Variants in MARK4 observed in about 807,000 individuals in gnomAD.
MARK4 encodes the protein microtubule affinity regulating kinase 4.
A neutral mutation model predicts 81.5 loss-of-function variants in MARK4; 19 were observed. That is an observed-to-expected ratio of 0.23 (90% confidence interval 0.16 to 0.34). The LOEUF (loss-of-function observed/expected upper bound fraction) is 0.34. Ranked by LOEUF, MARK4 falls within the 10% of genes least tolerant of loss-of-function variation. MARK4 has a pLI of 1.00. For missense variants in MARK4, 772 were observed against 1,058.8 expected (o/e 0.73, Z 3.76); for synonymous variants, 436 against 439.0 (o/e 0.99, Z 0.08).
chr19:45,278,512 G>A lies in MARK4; in HGVS notation c.907-4G>A, dbSNP rs750835335. On this transcript the variant is annotated splice_polypyrimidine_tract_variant and splice_region_variant and intron_variant, in intron 9 of 16. Transcript: ENST00000262891. ...TCCCCCTTCCCTGCTCCTGATGCCT[G>A]CAGCAAATCATGAAAGACAAATGGA... The A allele has an allele frequency of 3.7e-6, 6 of 1,613,552 alleles. No individual in the cohort carries two copies. Among genetic ancestry groups the A allele is most frequent in the Non-Finnish European group, 5.1e-6 (6 of 1,179,536 alleles).
intron 1 of MARK4, among the ~76,000 whole-genome samples, chr19:45,255,585 A>ACTGG (rs1339509339): frequency 4.8e-5 from 7 of 146,976 alleles, no homozygotes; most frequent in Admixed American, 1.4e-4. Flanking sequence ...AAAAAAAAAT[A>ACTGG]CTGGTGGAAA....
In MARK4 at chr19:45,282,577, C is replaced by A. The variant is rs113715705; in HGVS notation, c.1276+1843C>A. ...GCACAGCGGCTCACGCCTGTAATCCCAGCACTTTAGGAAGCCGAGGTGGGA... is the reference window on the plus strand; with the variant it reads ...GCACAGCGGCTCACGCCTGTAATCCAAGCACTTTAGGAAGCCGAGGTGGGA... On this transcript the variant is annotated intron_variant, in intron 12 of 16. Transcript: ENST00000262891. Among the ~76,000 whole-genome samples, 288 of 152,192 alleles carry A rather than the reference C, an allele frequency of 1.9e-3. 1 individual carries two copies. Among genetic ancestry groups the A allele is most frequent in the African/African-American group, 6.8e-3 (282 of 41,520 alleles).
chr19:45,282,068 A>T (rs1186208053), intron 12 of MARK4, among the ~76,000 whole-genome samples: 1 of 151,886 alleles, frequency 6.6e-6, no homozygotes, highest in African/African-American at 2.4e-5. Flanking sequence ...TACTAAAAAC[A>T]CAAAATTAGC....
At chr19:45,297,643 C>T (rs1391037493) in intron 14 of MARK4, 33 bp from the exon 15 acceptor site, 1 of 1,443,614 alleles carries the variant, frequency 6.9e-7, no homozygotes, top group East Asian at 2.3e-5. Flanking sequence ...CTGCCTCAGT[C>T]CCCCACCCTG....
chr19:45,292,988 C>T (rs1345640531), intron 13 of MARK4, among the ~76,000 whole-genome samples: 2 of 152,116 alleles, frequency 1.3e-5, no homozygotes, highest in Non-Finnish European at 1.5e-5. Context: ...TAAAATCAGT[C>T]TGGGCGTGGT....
intron 10 of MARK4, among the ~76,000 whole-genome samples, chr19:45,279,089 G>A (rs918623557): frequency 6.6e-6 from 1 of 152,026 alleles, no homozygotes; most frequent in Admixed American, 6.6e-5. Flanking sequence ...GCCAGTTGTG[G>A]TTGTGTGCAC....
intron 2 of MARK4, among the ~76,000 whole-genome samples, chr19:45,260,635 C>T (rs1371605193): frequency 4.0e-5 from 6 of 151,830 alleles, no homozygotes; most frequent in Non-Finnish European, 7.4e-5. Context: ...AGGCGAAGGC[C>T]GCAGTGAGCC....
chr19:45,267,556 T>A (rs1418480886), intron 7 of MARK4, among the ~76,000 whole-genome samples: 2 of 152,208 alleles, frequency 1.3e-5, no homozygotes, highest in African/African-American at 4.8e-5. Context: ...GACCGTTTGG[T>A]TGGCTCAAAT....
intron 12 of MARK4, among the ~76,000 whole-genome samples, chr19:45,284,551 T>C (rs906702340): frequency 6.6e-6 from 1 of 152,102 alleles, no homozygotes; most frequent in African/African-American, 2.4e-5. Flanking sequence ...CTTGATCGCC[T>C]GACCTCATGA....
At chr19:45,275,724 A>G (rs2123061712) in intron 8 of MARK4, among the ~76,000 whole-genome samples, 1 of 152,346 alleles carries the variant, frequency 6.6e-6, no homozygotes, top group East Asian at 1.9e-4. Context: ...CAAGTGACCA[A>G]ACCCCTCCAG....
In MARK4 at chr19:45,253,190, C is replaced by G. The variant is rs563297914; in HGVS notation, c.51+1551C>G. The stretch of plus-strand genomic sequence containing the variant: ...TTCCCTCACCTCCGACAGACCCCCC[C>G]ACACACACACACCATCAGAGAGATT... On this transcript the variant is annotated intron_variant, in intron 1 of 16. Coordinates refer to ENST00000262891, the MANE Select transcript of MARK4 (RefSeq NM_001199867.2). 1.2e-4 allele frequency among the ~76,000 whole-genome samples: 16 copies of G among 138,552 alleles called. No homozygotes were observed. In the South Asian group the frequency reaches 3.3e-3, roughly 28 times the overall value. 90.9% of individuals were successfully genotyped at this position (138,552 alleles called of 152,430 possible).
chr19:45,280,338 G>A, intron 10 of MARK4, 36 bp from the exon 11 acceptor site: 1 of 1,564,502 alleles, frequency 6.4e-7, no homozygotes, highest in African/African-American at 1.4e-5. Flanking sequence ...TAAAGTTTCT[G>A]GGAGTCTGAA....
chr19:45,280,283 CAG>C, intron 10 of MARK4, 89 bp from the exon 11 acceptor site: 2 of 1,166,490 alleles, frequency 1.7e-6, no homozygotes, highest in Non-Finnish European at 2.6e-6. Flanking sequence ...GCCTGGGTGA[CAG>C]AGTGACACCC....
intron 12 of MARK4, 124 bp from the exon 13 acceptor site, chr19:45,287,323 T>C (rs1296971398): frequency 5.3e-6 from 3 of 569,942 alleles, no homozygotes; most frequent in East Asian, 3.1e-5. Flanking sequence ...TTGACAGATA[T>C]TGTCAGAATG....
intron 12 of MARK4, among the ~76,000 whole-genome samples, chr19:45,282,395 A>G (rs1970687334): frequency 6.6e-6 from 1 of 152,034 alleles, no homozygotes; most frequent in African/African-American, 2.4e-5. Flanking sequence ...GTACCCATTT[A>G]AAGTGCACAA....
chr19:45,262,844 A>AAC, intron 2 of MARK4: 1 of 420,144 alleles, frequency 2.4e-6, no homozygotes, highest in South Asian at 2.2e-5. Context: ...GGCTCACTGC[A>AAC]ACCTCTGCCT....
chr19:45,279,212 C>T (rs1432083338), intron 10 of MARK4, among the ~76,000 whole-genome samples: 8 of 151,362 alleles, frequency 5.3e-5, no homozygotes, highest in Non-Finnish European at 1.2e-4. Context: ...AGGGTGAGAC[C>T]GTGTCTCAAA....
At chr19:45,266,079 T>C in intron 6 of MARK4, 146 bp from the exon 7 acceptor site, 1 of 798,604 alleles carries the variant, frequency 1.3e-6, no homozygotes. Flanking sequence ...CACCTCTTGC[T>C]GTGACTGAAT....
At chr19:45,262,596 A>G (rs1448342522) in intron 2 of MARK4, among the ~76,000 whole-genome samples, 2 of 152,078 alleles carry the variant, frequency 1.3e-5, no homozygotes, top group Non-Finnish European at 2.9e-5. Context: ...GCCCACATCC[A>G]CTCAGGCAGC....
Sources: gnomAD v4.1 joint callset for allele counts (sites outside exome capture counted in the v4.1 genomes callset) on GRCh38, gnomAD v4.1.1 for gene constraint, MANE v1.5 for transcripts, NCBI Gene and HGNC (gene_info 2026-07-23, HGNC 2026-07-21) for gene names.